AFF4: variants seen among roughly 807,000 people sequenced by gnomAD.
AFF4 encodes AF4/FMR2 family member 4.
A neutral mutation model predicts 124.8 loss-of-function variants in AFF4; 13 were observed. That is an observed-to-expected ratio of 0.10 (90% CI 0.07 to 0.17). The LOEUF is 0.17. Among genes scored for constraint, AFF4 ranks in the 10% least tolerant of loss-of-function variants. AFF4 has a pLI of 1.00. For synonymous variants in AFF4, 477 were observed against 496.1 expected, an observed-to-expected ratio of 0.96 and a Z score of 0.51; for missense variants, 1,092 against 1,403.8, an observed-to-expected ratio of 0.78 and a Z score of 3.55.
At position 132,926,318 on chromosome 5, in the gene AFF4, ATTTGT is replaced by A. The variant is rs571800099; in HGVS notation, c.1050+798_1050+802del. 1.1e-3 allele frequency: 420 copies of A among 395,744 alleles called. 2 individuals are homozygous for A. The highest frequency in any genetic ancestry group is 7.1e-3 in the African/African-American group (344 of 48,478). 24.5% of individuals were successfully genotyped at this position (395,744 alleles called of 1,614,324 possible). ...CACAAGGAGAATGTATTTCTGTATT[ATTTGT>A]TTTAAGTGTAAATTAATACTGTTAA... is the stretch of plus-strand genomic sequence containing the variant. On this transcript the variant is annotated intron_variant, in intron 5 of 20. Transcript: ENST00000265343.
chr5:132,957,810 C>T (rs1761996320), intron 1 of AFF4, among the ~76,000 whole-genome samples: 2 of 152,004 alleles, frequency 1.3e-5, no homozygotes, highest in Admixed American at 6.6e-5. Flanking sequence ...TACATGAAAC[C>T]ACTGGGATCT....
intron 1 of AFF4, among the ~76,000 whole-genome samples, chr5:132,962,989 A>T (rs1189565646): frequency 2.0e-5 from 3 of 152,212 alleles, no homozygotes; most frequent in African/African-American, 7.2e-5. Flanking sequence ...GTCTGAGGAA[A>T]GAAAGAGGAA....
At chr5:132,905,398 G>A (rs1342821258) in intron 5 of AFF4, among the ~76,000 whole-genome samples, 2 of 152,116 alleles carry the variant, frequency 1.3e-5, no homozygotes, top group Non-Finnish European at 2.9e-5. Context: ...ATTCCTAAAA[G>A]CTTACTTAAA....
At chr5:132,910,923 A>C (rs1437758360) in intron 5 of AFF4, among the ~76,000 whole-genome samples, 4 of 152,194 alleles carry the variant, frequency 2.6e-5, no homozygotes, top group Admixed American at 6.5e-5. Flanking sequence ...AAGGCAATCA[A>C]AATCTTTAAT....
At position 132,878,044 on chromosome 5, in the gene AFF4, G is replaced by T. The variant is rs188630185; in HGVS notation, c.*3015C>A. 5 of 222,854 alleles carry T rather than the reference G, an allele frequency of 2.2e-5. No individual in the cohort carries two copies. The highest frequency in any genetic ancestry group is 3.6e-5 in the Non-Finnish European group (4 of 111,472). 13.8% of individuals were successfully genotyped at this position (222,854 alleles called of 1,614,324 possible). ...TCTCCACTCTTCGGCAGCTGTAGCT[G>T]TAAGTTTATCTGAAGTACTCACTGC... is the stretch of plus-strand genomic sequence containing the variant. On this transcript the variant is annotated 3_prime_UTR_variant, in exon 21 of 21. Transcript: ENST00000265343.
intron 1 of AFF4, among the ~76,000 whole-genome samples, chr5:132,947,205 C>A (rs779922088): frequency 4.6e-5 from 7 of 152,064 alleles, no homozygotes; most frequent in Admixed American, 6.6e-5. Context: ...GAGTTCAAGA[C>A]CAGCCTGGCC....
At chr5:132,917,613 G>C (rs1337529053) in intron 5 of AFF4, among the ~76,000 whole-genome samples, 2 of 151,306 alleles carry the variant, frequency 1.3e-5, no homozygotes, top group Non-Finnish European at 2.9e-5. Context: ...GAAATATATG[G>C]TATCTACAAA....
intron 5 of AFF4, among the ~76,000 whole-genome samples, chr5:132,917,713 T>C (rs1244822604): frequency 1.0e-4 from 14 of 134,332 alleles, no homozygotes; most frequent in African/African-American, 2.5e-4. Flanking sequence ...TTCTTTTTTT[T>C]TTTTTTTTTT....
chr5:132,877,179 T>C lies in AFF4; in HGVS notation c.*3880A>G. On this transcript the variant is annotated 3_prime_UTR_variant, in exon 21 of 21. Coordinates refer to ENST00000265343, the MANE Select transcript of AFF4 (RefSeq NM_014423.4). ...CAAGCTGCCTAACAGTCATCCCCAG[T>C]AGATGTTCCTGGGACCCAGACACAA... The C allele has an allele frequency of 4.8e-6, 1 of 208,410 alleles. No individual in the cohort carries two copies. Among genetic ancestry groups the C allele is most frequent in the East Asian group, 7.3e-5 (1 of 13,674 alleles). The allele number at this position is 208,410 out of a possible 1,614,324, so 12.9% of individuals were successfully genotyped here.
chr5:132,877,514 T>C lies in AFF4; in HGVS notation c.*3545A>G, dbSNP rs1293057685. 1 of 210,400 alleles carries C rather than the reference T, an allele frequency of 4.8e-6. No individual in the cohort carries two copies. The allele number at this position is 210,400 out of a possible 1,614,324, so 13.0% of individuals were successfully genotyped here. A position where few individuals can be genotyped will look rare whatever the true frequency, so the allele number is the denominator to read the frequency against. ...CATATTTGACAAACTAATTTCATGT[T>C]TTCATACATACATACATATATATAA... On this transcript the variant is annotated 3_prime_UTR_variant, in exon 21 of 21. Coordinates refer to ENST00000265343, the MANE Select transcript of AFF4 (RefSeq NM_014423.4).
chr5:132,922,840 G>C (rs1043995921), intron 5 of AFF4, among the ~76,000 whole-genome samples: 1 of 150,070 alleles, frequency 6.7e-6, no homozygotes, highest in African/African-American at 2.4e-5. Context: ...TAGATAATTA[G>C]GTAAATTATG....
chr5:132,939,039 T>A (rs1377009585), intron 1 of AFF4, among the ~76,000 whole-genome samples: 1 of 138,258 alleles, frequency 7.2e-6, no homozygotes, highest in African/African-American at 2.7e-5. Context: ...CTAGCCAACA[T>A]GACAAAACTG....
At chr5:132,930,627 T>C (rs372295220) in intron 4 of AFF4, among the ~76,000 whole-genome samples, 3 of 149,804 alleles carry the variant, frequency 2.0e-5, no homozygotes, top group East Asian at 2.0e-4. Flanking sequence ...AATTTAAGTA[T>C]AGACACAAAT....
At chr5:132,953,179 T>A (rs915343982) in intron 1 of AFF4, among the ~76,000 whole-genome samples, 2 of 151,020 alleles carry the variant, frequency 1.3e-5, no homozygotes, top group Admixed American at 6.6e-5. Context: ...AAAAAAAAAA[T>A]TGTATTATCT....
intron 5 of AFF4, among the ~76,000 whole-genome samples, chr5:132,923,121 G>A (rs1226663750): frequency 1.3e-5 from 2 of 150,214 alleles, no homozygotes; most frequent in Non-Finnish European, 3.0e-5. Flanking sequence ...GGCTGCAGTG[G>A]GCCAAGATTG....
Position 132,927,115 on chromosome 5 carries a change from A to G in AFF4, c.1050+6T>C. The stretch of plus-strand genomic sequence containing the variant: ...ACATTATGAAAGATACATTTTATTT[A>G]CTTACCTTAGTTGGAAAAGGAAATT... On this transcript the variant is annotated splice_donor_region_variant and intron_variant, in intron 5 of 20. Coordinates refer to ENST00000265343, the MANE Select transcript of AFF4 (RefSeq NM_014423.4). The G allele has an allele frequency of 6.2e-7, 1 of 1,607,798 alleles. No homozygotes were observed. Among genetic ancestry groups the G allele is most frequent in the African/African-American group, 1.3e-5 (1 of 74,814 alleles).
intron 4 of AFF4, among the ~76,000 whole-genome samples, chr5:132,930,981 C>T (rs1761285492): frequency 6.7e-6 from 1 of 149,818 alleles, no homozygotes. Flanking sequence ...GTGGCAGATG[C>T]CTATAATCCC....
rs771131685 is a variant in AFF4 at position 132,876,380 on chromosome 5, T to G, written c.*4679A>C. ...AATTGATATTTTCCAGAGAGGAACA[T>G]AGCAGGTAGAAAATTCCAATGGTTA... On this transcript the variant is annotated 3_prime_UTR_variant, in exon 21 of 21. Transcript: ENST00000265343. The G allele has an allele frequency of 1.3e-5, 3 of 227,514 alleles. No individual in the cohort carries two copies. Among genetic ancestry groups the G allele is most frequent in the Admixed American group, 1.1e-4 (2 of 17,570 alleles). The allele number at this position is 227,514 out of a possible 1,614,324, so 14.1% of individuals were successfully genotyped here.
intron 18 of AFF4, among the ~76,000 whole-genome samples, chr5:132,885,807 C>T (rs1760104372): frequency 6.6e-6 from 1 of 152,170 alleles, no homozygotes; most frequent in Admixed American, 6.5e-5. Flanking sequence ...GAGTCTCTCT[C>T]TCTGTCACCA....
Sources: gnomAD v4.1 joint callset for allele counts (sites outside exome capture counted in the v4.1 genomes callset) on GRCh38, gnomAD v4.1.1 for gene constraint, MANE v1.5 for transcripts, NCBI Gene and HGNC (gene_info 2026-07-23, HGNC 2026-07-21) for gene names.